Variants in GABRB2 observed in about 807,000 individuals in gnomAD.
GABRB2 encodes gamma-aminobutyric acid receptor subunit beta-2.
Under a neutral mutation model 54.7 loss-of-function variants are expected in GABRB2, and 16 were observed. The ratio of observed to expected loss-of-function variants is 0.29; its 90% confidence interval spans 0.20 to 0.44. The LOEUF is 0.44. GABRB2 is among the 20% of genes least tolerant of loss of function. The pLI, the probability that GABRB2 is intolerant of heterozygous loss-of-function variation, is 1.00. For synonymous variants in GABRB2, 244 were observed against 233.8 expected, an observed-to-expected ratio of 1.04 and a Z score of -0.40; for missense variants, 355 against 644.0, an observed-to-expected ratio of 0.55 and a Z score of 4.86.
chr5:161,355,374 A>G (rs1277093316), intron 5 of GABRB2, among the ~76,000 whole-genome samples: 1 of 149,300 alleles, frequency 6.7e-6, no homozygotes, highest in Non-Finnish European at 1.5e-5. Context: ...ATAACAATAT[A>G]TAATGATGTC....
intron 4 of GABRB2, among the ~76,000 whole-genome samples, chr5:161,415,897 T>C (rs1447932048): frequency 2.0e-5 from 3 of 151,420 alleles, no homozygotes; most frequent in African/African-American, 7.3e-5. Flanking sequence ...ACAGGCGTGA[T>C]CCACCGCACC....
intron 3 of GABRB2, among the ~76,000 whole-genome samples, chr5:161,513,947 G>T (rs1759857665): frequency 6.6e-6 from 1 of 152,034 alleles, no homozygotes; most frequent in Admixed American, 6.6e-5. Context: ...CTAAAATTTA[G>T]CTTCCTCATC....
At chr5:161,327,111 C>T in intron 8 of GABRB2, 1 of 319,576 alleles carries the variant, frequency 3.1e-6, no homozygotes, top group Non-Finnish European at 4.5e-6. Context: ...AGGAAAGACT[C>T]TCCTAGCATT....
intron 5 of GABRB2, among the ~76,000 whole-genome samples, chr5:161,358,428 T>TG (rs952892090): frequency 1.3e-5 from 2 of 150,278 alleles, no homozygotes; most frequent in African/African-American, 4.9e-5. Context: ...AAAAAAAAAG[T>TG]GGGGGGAATA....
intron 9 of GABRB2, among the ~76,000 whole-genome samples, chr5:161,324,216 C>A (rs1382808346): frequency 6.6e-6 from 1 of 152,020 alleles, no homozygotes; most frequent in Non-Finnish European, 1.5e-5. Flanking sequence ...TAAAATATGT[C>A]ATTAAATGTG....
chr5:161,497,542 G>GTGTT (rs1759294200), intron 3 of GABRB2, among the ~76,000 whole-genome samples: 2 of 151,536 alleles, frequency 1.3e-5, no homozygotes, highest in South Asian at 4.2e-4. Context: ...GTGTGTGTGT[G>GTGTT]TGTGTGTGTG....
intron 5 of GABRB2, among the ~76,000 whole-genome samples, chr5:161,407,708 A>G (rs574269921): frequency 6.6e-6 from 1 of 152,020 alleles, no homozygotes; most frequent in African/African-American, 2.4e-5. Context: ...AACACAATGC[A>G]TTCTATGTAG....
In GABRB2 at chr5:161,476,427, C is replaced by A. The variant is rs568644669; in HGVS notation, c.238-16583G>T. On this transcript the variant is annotated intron_variant, in intron 3 of 9. Transcript: ENST00000393959. ...TGAATAGCACTATGGTATTTATTTT[C>A]AAAATAGAAAACTGTATCCTAAAAT... Among the ~76,000 whole-genome samples, 19 of 151,826 alleles carry A rather than the reference C, an allele frequency of 1.3e-4. No homozygotes were observed. The South Asian group carries it at 3.3e-3, about 27-fold the overall frequency.
chr5:161,429,004 TTTA>T (rs1248400714), intron 4 of GABRB2, among the ~76,000 whole-genome samples: 2 of 151,650 alleles, frequency 1.3e-5, no homozygotes, highest in Non-Finnish European at 1.5e-5. Flanking sequence ...TTTATTTATG[TTTA>T]TTATTATTAG....
intron 4 of GABRB2, among the ~76,000 whole-genome samples, chr5:161,445,994 T>C (rs1435527429): frequency 2.0e-5 from 3 of 152,178 alleles, no homozygotes; most frequent in African/African-American, 7.2e-5. Context: ...CAACCTTTAG[T>C]GATGATATTT....
intron 9 of GABRB2, among the ~76,000 whole-genome samples, chr5:161,325,711 C>T (rs182201560): frequency 6.6e-6 from 1 of 152,268 alleles, no homozygotes; most frequent in East Asian, 1.9e-4. Context: ...TGAATGACAA[C>T]TTGCCAATTA....
At chr5:161,513,056 G>GA (rs755660749) in intron 3 of GABRB2, among the ~76,000 whole-genome samples, 3,210 of 135,844 alleles carry the variant, frequency 0.024, 104 homozygotes, top group African/African-American at 0.077. Flanking sequence ...AAAGAAAAAA[G>GA]AAAAAAAAAA....
At chr5:161,477,284 C>CAAAAAAAAAAA (rs70990786) in intron 3 of GABRB2, among the ~76,000 whole-genome samples, 4 of 127,850 alleles carry the variant, frequency 3.1e-5, no homozygotes, top group Admixed American at 7.6e-5. Context: ...CAAACAAAAG[C>CAAAAAAAAAAA]AAAAAAAAAA....
intron 3 of GABRB2, among the ~76,000 whole-genome samples, chr5:161,517,624 C>T (rs895227685): frequency 2.0e-5 from 3 of 152,044 alleles, no homozygotes; most frequent in African/African-American, 4.8e-5. Context: ...TGGGCACTGC[C>T]GCTATTGCAG....
chr5:161,352,912 T>G (rs2113438186), intron 5 of GABRB2, among the ~76,000 whole-genome samples: 1 of 152,048 alleles, frequency 6.6e-6, no homozygotes, highest in South Asian at 2.1e-4. Flanking sequence ...CAAACACAAT[T>G]TTTGGAATCA....
At position 161,312,628 on chromosome 5, in the gene GABRB2, C is replaced by T. The variant is rs556579293; in HGVS notation, c.1191+13740G>A. Among the ~76,000 whole-genome samples, 80 of 152,258 alleles carry T rather than the reference C, an allele frequency of 5.3e-4. 1 individual carries two copies. The South Asian group carries it at 0.016, about 30-fold the overall frequency. ...TTTTCTCTGGGCCTCAACTTTTTCA[C>T]GTTAGTAAAATTAGAGCACATCAGT... On this transcript the variant is annotated intron_variant, in intron 9 of 9. Coordinates refer to ENST00000393959, the MANE Select transcript of GABRB2 (RefSeq NM_001371727.1).
intron 5 of GABRB2, among the ~76,000 whole-genome samples, chr5:161,345,339 T>C (rs183197028): frequency 2.6e-5 from 4 of 152,136 alleles, no homozygotes; most frequent in Admixed American, 2.6e-4. Context: ...AACAAAAACA[T>C]AGAAAACTCC....
chr5:161,423,842 C>A (rs1268834155), intron 4 of GABRB2, among the ~76,000 whole-genome samples: 1 of 152,078 alleles, frequency 6.6e-6, no homozygotes, highest in East Asian at 1.9e-4. Context: ...GAACGCAAAA[C>A]AAAAGTTCCT....
chr5:161,457,706 A>C (rs1758000125), intron 4 of GABRB2, among the ~76,000 whole-genome samples: 1 of 152,032 alleles, frequency 6.6e-6, no homozygotes, highest in African/African-American at 2.4e-5. Context: ...TTGGCCTCCC[A>C]AAGTGCTGGT....
Sources: gnomAD v4.1 joint callset for allele counts (sites outside exome capture counted in the v4.1 genomes callset) on GRCh38, gnomAD v4.1.1 for gene constraint, MANE v1.5 for transcripts, NCBI Gene and HGNC (gene_info 2026-07-23, HGNC 2026-07-21) for gene names.